Variants in XPR1 observed in about 807,000 individuals in gnomAD.
XPR1 encodes solute carrier family 53 member 1.
Under a neutral mutation model 87.5 loss-of-function variants are expected in XPR1, and 28 were observed. That is an observed-to-expected ratio of 0.32 (90% CI 0.24 to 0.44). The LOEUF (loss-of-function observed/expected upper bound fraction) is 0.44, where lower values mean the gene tolerates loss of function less well. Ranked by LOEUF, XPR1 falls within the 20% of genes least tolerant of loss-of-function variation. The probability of loss-of-function intolerance (pLI) is 1.00; values close to 1 mark genes in which losing one functional copy is unlikely to be tolerated. For missense variants in XPR1, 559 were observed against 862.3 expected, an observed-to-expected ratio of 0.65 and a Z score of 4.41; for synonymous variants, 300 against 306.1, an observed-to-expected ratio of 0.98 and a Z score of 0.21.
chr1:180,779,251 A>G (rs1648844917), intron 2 of XPR1, among the ~76,000 whole-genome samples: 1 of 152,092 alleles, frequency 6.6e-6, no homozygotes, highest in Non-Finnish European at 1.5e-5. Flanking sequence ...TTCACTTTTT[A>G]TAGTCTATAA....
At chr1:180,815,503 T>C (rs1650376009) in intron 7 of XPR1, among the ~76,000 whole-genome samples, 2 of 152,190 alleles carry the variant, frequency 1.3e-5, no homozygotes, top group African/African-American at 4.8e-5. Context: ...GTAGTATGCA[T>C]GTACAAGCAC....
intron 3 of XPR1, among the ~76,000 whole-genome samples, chr1:180,791,412 C>T (rs962072108): frequency 6.6e-6 from 1 of 152,180 alleles, no homozygotes; most frequent in African/African-American, 2.4e-5. Flanking sequence ...GCTGGTACTA[C>T]AGGCATGCAC....
At chr1:180,844,057 A>G (rs985384757) in intron 11 of XPR1, among the ~76,000 whole-genome samples, 1 of 152,124 alleles carries the variant, frequency 6.6e-6, no homozygotes, top group Non-Finnish European at 1.5e-5. Flanking sequence ...CTAAAAATAC[A>G]AAAATGAGTT....
At position 180,742,728 on chromosome 1, in the gene XPR1, T is replaced by G. The variant is rs561443159; in HGVS notation, c.122-45025T>G. 1.2e-3 allele frequency among the ~76,000 whole-genome samples: 182 copies of G among 152,214 alleles called. 1 individual carries two copies. Among genetic ancestry groups the G allele is most frequent in the Non-Finnish European group, 2.2e-3 (151 of 67,934 alleles). ...TATTCATTTTATTGATTACTAAGAG[T>G]TATGTTGAAGTCTCCAGCTATAATT... On this transcript the variant is annotated intron_variant, in intron 2 of 14. Coordinates refer to ENST00000367590, the MANE Select transcript of XPR1 (RefSeq NM_004736.4).
At chr1:180,761,445 C>A (rs1052959463) in intron 2 of XPR1, among the ~76,000 whole-genome samples, 2 of 152,142 alleles carry the variant, frequency 1.3e-5, no homozygotes, top group African/African-American at 4.8e-5. Flanking sequence ...CCAACCCCAT[C>A]AAAAAGTGGG....
intron 3 of XPR1, among the ~76,000 whole-genome samples, chr1:180,795,711 C>T (rs1558011972): frequency 6.6e-6 from 1 of 152,186 alleles, no homozygotes; most frequent in Non-Finnish European, 1.5e-5. Flanking sequence ...AAGTTCTACA[C>T]TGTTTTTGGT....
chr1:180,692,043 TA>T (rs1486639023), intron 2 of XPR1, among the ~76,000 whole-genome samples: 1 of 152,154 alleles, frequency 6.6e-6, no homozygotes, highest in African/African-American at 2.4e-5. Flanking sequence ...TATTTGTCTC[TA>T]AAAAAATTAT....
chr1:180,856,103 T>C (rs544278007), intron 11 of XPR1, among the ~76,000 whole-genome samples: 2 of 152,308 alleles, frequency 1.3e-5, no homozygotes, highest in African/African-American at 4.8e-5. Context: ...CTTTTCTCTA[T>C]CCTGCATCTC....
chr1:180,734,260 G>A (rs1157256329), intron 2 of XPR1, among the ~76,000 whole-genome samples: 2 of 152,212 alleles, frequency 1.3e-5, no homozygotes, highest in East Asian at 1.9e-4. Context: ...AGTATTGGCA[G>A]GGAAGAAGGC....
chr1:180,750,145 T>C (rs1191158170), intron 2 of XPR1, among the ~76,000 whole-genome samples: 1 of 152,218 alleles, frequency 6.6e-6, no homozygotes, highest in Non-Finnish European at 1.5e-5. Flanking sequence ...GGAAACTTTT[T>C]ATTCTTTTTT....
intron 2 of XPR1, among the ~76,000 whole-genome samples, chr1:180,734,560 A>G (rs1658666427): frequency 6.6e-6 from 1 of 152,178 alleles, no homozygotes; most frequent in Non-Finnish European, 1.5e-5. Context: ...AGGAACTCAG[A>G]TAAGACAAAT....
At chr1:180,799,049 C>T (rs1395657102) in intron 3 of XPR1, among the ~76,000 whole-genome samples, 1 of 152,146 alleles carries the variant, frequency 6.6e-6, no homozygotes, top group Admixed American at 6.6e-5. Context: ...CAGGATCAGT[C>T]AAGGGGTTTA....
intron 7 of XPR1, among the ~76,000 whole-genome samples, chr1:180,812,027 T>C (rs191328389): frequency 2.3e-4 from 35 of 152,318 alleles, no homozygotes; most frequent in African/African-American, 7.7e-4. Flanking sequence ...CAAAAAATGA[T>C]ATAACAGCAA....
chr1:180,744,697 C>T lies in XPR1; in HGVS notation c.122-43056C>T, dbSNP rs1010156819. Among the ~76,000 whole-genome samples the T allele has an allele frequency of 1.8e-4, 22 of 119,186 alleles. No homozygotes were observed. The Admixed American group carries it at 2.1e-3, about 12-fold the overall frequency. 78.2% of individuals were successfully genotyped at this position (119,186 alleles called of 152,430 possible). On this transcript the variant is annotated intron_variant, in intron 2 of 14. Coordinates refer to ENST00000367590, the MANE Select transcript of XPR1 (RefSeq NM_004736.4). Reference sequence around the variant, plus strand: ...ACAGAATCTCACTCTGTTGCCCAGGCTGGAGTGCAATGGCACGATCTCGGC... The same window carrying T: ...ACAGAATCTCACTCTGTTGCCCAGGTTGGAGTGCAATGGCACGATCTCGGC...
At chr1:180,830,278 T>G (rs1202808121) in intron 9 of XPR1, among the ~76,000 whole-genome samples, 1 of 152,176 alleles carries the variant, frequency 6.6e-6, no homozygotes, top group Non-Finnish European at 1.5e-5. Flanking sequence ...TGGTATAGAT[T>G]GTCTCTCTGG....
At chr1:180,807,930 G>C (rs963581447) in intron 6 of XPR1, among the ~76,000 whole-genome samples, 2 of 152,162 alleles carry the variant, frequency 1.3e-5, no homozygotes, top group African/African-American at 4.8e-5. Context: ...CTTGAACCCA[G>C]GAGGTGGAGG....
intron 2 of XPR1, among the ~76,000 whole-genome samples, chr1:180,714,579 A>AT (rs1294758018): frequency 6.6e-6 from 1 of 151,672 alleles, no homozygotes; most frequent in Non-Finnish European, 1.5e-5. Context: ...TAAGTCTTCC[A>AT]TTTTTTGTAG....
At chr1:180,741,829 T>C (rs1426802802) in intron 2 of XPR1, among the ~76,000 whole-genome samples, 1 of 152,198 alleles carries the variant, frequency 6.6e-6, no homozygotes, top group Non-Finnish European at 1.5e-5. Context: ...ATTTAATACT[T>C]ACAACACTAT....
chr1:180,879,475 C>T (rs1652774860), intron 13 of XPR1, among the ~76,000 whole-genome samples: 1 of 152,168 alleles, frequency 6.6e-6, no homozygotes, highest in Non-Finnish European at 1.5e-5. Context: ...TTATTCTTAG[C>T]CCCCACTGAC....
Sources: allele counts gnomAD v4.1 joint callset (sites outside exome capture counted in the v4.1 genomes callset), GRCh38; gene constraint gnomAD v4.1.1; transcripts MANE v1.5; gene names NCBI Gene and HGNC (gene_info 2026-07-23, HGNC 2026-07-21).